Variants in CIBAR1 observed in about 807,000 individuals in gnomAD.
CIBAR1 encodes CBY1-interacting BAR domain-containing protein 1.
In CIBAR1, 25 loss-of-function variants were observed where a neutral mutation model predicts 44.0. That is an observed-to-expected ratio of 0.57 (90% CI 0.41 to 0.79). CIBAR1 has a LOEUF of 0.79. Ranked by LOEUF, CIBAR1 falls within the 30% of genes least tolerant of loss-of-function variation. The pLI is 0.00. For synonymous variants in CIBAR1, 115 were observed against 119.0 expected, an observed-to-expected ratio of 0.97 and a Z score of 0.22; for missense variants, 278 against 344.8, an observed-to-expected ratio of 0.81 and a Z score of 1.53.
chr8:93,711,783 T>C (rs1342556339), intron 6 of CIBAR1, among the ~76,000 whole-genome samples: 1 of 152,178 alleles, frequency 6.6e-6, no homozygotes, highest in African/African-American at 2.4e-5. Flanking sequence ...ACATGGAAAT[T>C]TGTCTCTATT....
At position 93,718,610 on chromosome 8, in the gene CIBAR1, A is replaced by G. The variant is rs1012633854; in HGVS notation, c.544-65A>G. 33 of 894,558 alleles carry G rather than the reference A, an allele frequency of 3.7e-5. 1 individual carries two copies. The highest frequency in any genetic ancestry group is 5.3e-5 in the Non-Finnish European group (31 of 582,962). 55.4% of individuals were successfully genotyped at this position (894,558 alleles called of 1,614,324 possible). ...AAATACCAAGACTATAGTGAGGAAT[A>G]AAGTTACTATATTCATAAAGAAATT... On this transcript the variant is annotated intron_variant, in intron 6 of 8. Transcript: ENST00000518322.
At chr8:93,705,207 G>A in intron 4 of CIBAR1, 197 bp downstream of exon 4, 1 of 462,016 alleles carries the variant, frequency 2.2e-6, no homozygotes, top group Non-Finnish European at 3.8e-6. Context: ...CCCTTATATT[G>A]TTTTACACAG....
chr8:93,728,079 A>G, intron 8 of CIBAR1, 126 bp from the exon 9 acceptor site: 2 of 487,480 alleles, frequency 4.1e-6, no homozygotes, highest in Non-Finnish European at 6.9e-6. Context: ...ACTACTAAAA[A>G]TTATGACATG....
At chr8:93,701,099 G>C (rs1373323872) in intron 1 of CIBAR1, 125 bp from the exon 2 acceptor site, 6 of 1,488,162 alleles carry the variant, frequency 4.0e-6, no homozygotes, top group Non-Finnish European at 5.4e-6. Context: ...GGAGACGCTG[G>C]GTCGTTGATG....
At chr8:93,710,304 A>G (rs1011924674) in intron 6 of CIBAR1, among the ~76,000 whole-genome samples, 2 of 151,718 alleles carry the variant, frequency 1.3e-5, no homozygotes, top group Non-Finnish European at 1.5e-5. Flanking sequence ...CCACAACAAC[A>G]AAAAGAAAAC....
At chr8:93,722,047 AAAAC>A (rs759078702) in intron 7 of CIBAR1, among the ~76,000 whole-genome samples, 2 of 152,200 alleles carry the variant, frequency 1.3e-5, no homozygotes, top group Non-Finnish European at 2.9e-5. Flanking sequence ...GAAAAAAACA[AAAAC>A]AAAACAGCAC....
In CIBAR1 at chr8:93,700,615, C is replaced by G. The variant is rs908373126; in HGVS notation, c.-33C>G. The G allele has an allele frequency of 6.8e-7, 1 of 1,481,154 alleles. No individual in the cohort carries two copies. The highest frequency in any genetic ancestry group is 9.0e-7 in the Non-Finnish European group (1 of 1,115,714). 91.8% of individuals were successfully genotyped at this position (1,481,154 alleles called of 1,614,324 possible). On this transcript the variant is annotated 5_prime_UTR_variant, in exon 1 of 9. Coordinates refer to ENST00000518322, the MANE Select transcript of CIBAR1 (RefSeq NM_145269.5). ...CGCCTTGGAATCCCCGTCCTTGGGC[C>G]CCCGCAAGGTCCCCGGCCGTGCGCG...
At chr8:93,711,815 A>G (rs2914944) in intron 6 of CIBAR1, among the ~76,000 whole-genome samples, 94,728 of 151,952 alleles carry the variant, frequency 0.62, 30,281 homozygotes, top group South Asian at 0.72. Context: ...GCTCACTTCT[A>G]TGTTCTGCCT....
chr8:93,724,471 C>A (rs117206569), intron 7 of CIBAR1: 11 of 508,428 alleles, frequency 2.2e-5, no homozygotes, highest in South Asian at 6.2e-5. Context: ...ATTATAGGCA[C>A]GTCCCACTAT....
chr8:93,723,332 G>A (rs550151152), intron 7 of CIBAR1, among the ~76,000 whole-genome samples: 1 of 152,226 alleles, frequency 6.6e-6, no homozygotes, highest in Non-Finnish European at 1.5e-5. Flanking sequence ...CAGGATGTCA[G>A]TGGTCCATGT....
At chr8:93,716,232 CAG>C in intron 6 of CIBAR1, 1 of 152,200 alleles carries the variant, frequency 6.6e-6, no homozygotes, top group East Asian at 1.9e-4. Context: ...TTAGTAGAAA[CAG>C]GGTTTCACCA....
rs150267996 is a variant in CIBAR1 at position 93,704,849 on chromosome 8, C to G, written c.331-60C>G. The G allele has an allele frequency of 3.9e-3, 3,997 of 1,019,674 alleles. 13 individuals are homozygous for G. The highest frequency in any genetic ancestry group is 5.0e-3 in the Non-Finnish European group (3,443 of 687,436). The allele number at this position is 1,019,674 out of a possible 1,614,324, so 63.2% of individuals were successfully genotyped here. On this transcript the variant is annotated intron_variant, in intron 3 of 8. Transcript: ENST00000518322. The stretch of plus-strand genomic sequence containing the variant: ...CAATTCTTAAAAGAATTCTTCCATT[C>G]TTAAAACTGAATTTTCTTAAGTCAG...
chr8:93,719,154 G>A (rs926096685), intron 7 of CIBAR1, among the ~76,000 whole-genome samples: 5 of 151,992 alleles, frequency 3.3e-5, no homozygotes, highest in South Asian at 2.1e-4. Flanking sequence ...ATGAACCACC[G>A]TGCCCAGCCA....
At chr8:93,702,463 AG>A (rs1182389465) in intron 2 of CIBAR1, 2 of 450,500 alleles carry the variant, frequency 4.4e-6, no homozygotes, top group African/African-American at 4.0e-5. Flanking sequence ...CAAATAGCAA[AG>A]TGAATTGATT....
intron 5 of CIBAR1, 110 bp downstream of exon 5, chr8:93,708,126 A>G: frequency 1.4e-6 from 1 of 713,980 alleles, no homozygotes. Context: ...ATGTCACAGT[A>G]TTACTTATCA....
chr8:93,705,927 A>G (rs1282634104), intron 4 of CIBAR1: 2 of 152,052 alleles, frequency 1.3e-5, no homozygotes, highest in Admixed American at 6.6e-5. Context: ...TCCAGCCTGG[A>G]AAACAAAGCG....
chr8:93,717,837 T>C lies in CIBAR1; in HGVS notation c.544-838T>C, dbSNP rs538274748. ...TGATAAGATCATATTTATTAAAAACTTGCCTGGTTTCCATCTTTTCCACAC... is the reference window on the plus strand; with the variant it reads ...TGATAAGATCATATTTATTAAAAACCTGCCTGGTTTCCATCTTTTCCACAC... On this transcript the variant is annotated intron_variant, in intron 6 of 8. Transcript: ENST00000518322. 9.2e-5 allele frequency among the ~76,000 whole-genome samples: 14 copies of C among 152,310 alleles called. No homozygotes were observed. In the East Asian group the frequency reaches 9.6e-4, roughly 10 times the overall value.
Position 93,703,702 on chromosome 8 carries a change from T to A in CIBAR1, c.330+14T>A. 6.5e-7 allele frequency: 1 copy of A among 1,540,246 alleles called. No homozygotes were observed. Among genetic ancestry groups the A allele is most frequent in the Non-Finnish European group, 8.8e-7 (1 of 1,141,632 alleles). On this transcript the variant is annotated intron_variant, in intron 3 of 8. Transcript: ENST00000518322. ...AAAATGAAACGGGTAAGTAAATCCA[T>A]TTTCTCACTTAACTGTGAGTTACTC...
At chr8:93,711,292 C>T (rs914630689) in intron 6 of CIBAR1, among the ~76,000 whole-genome samples, 1 of 152,166 alleles carries the variant, frequency 6.6e-6, no homozygotes, top group Non-Finnish European at 1.5e-5. Context: ...CTACTATTGA[C>T]AAATCTTCCT....
Sources: gnomAD v4.1 joint callset for allele counts (sites outside exome capture counted in the v4.1 genomes callset) on GRCh38, gnomAD v4.1.1 for gene constraint, MANE v1.5 for transcripts, NCBI Gene and HGNC (gene_info 2026-07-23, HGNC 2026-07-21) for gene names.